The following PRKN variants were observed in gnomAD, a reference collection of about 807,000 sequenced individuals.
PRKN encodes the protein E3 ubiquitin-protein ligase parkin.
PRKN carries 56 observed loss-of-function variants against 59.5 expected under a neutral mutation model. The observed-to-expected ratio is 0.94, with a 90% CI of 0.76 to 1.18. The LOEUF (loss-of-function observed/expected upper bound fraction) is 1.18, where lower values mean the gene tolerates loss of function less well. Among genes scored for constraint, PRKN ranks in the 50% most tolerant of loss-of-function variants. The probability of loss-of-function intolerance (pLI) is 0.00; values close to 1 mark genes in which losing one functional copy is unlikely to be tolerated. For missense variants in PRKN, 657 were observed against 596.4 expected (o/e 1.10, Z -1.06); for synonymous variants, 250 against 222.1 (o/e 1.13, Z -1.12).
intron 1 of PRKN, among the ~76,000 whole-genome samples, chr6:162,536,432 T>G (rs1778722629): frequency 6.6e-6 from 1 of 152,188 alleles, no homozygotes; most frequent in African/African-American, 2.4e-5. Context: ...TGGTGTCATT[T>G]TAGCTCTGAG....
chr6:162,153,642 G>A lies in PRKN; in HGVS notation c.534+47489C>T, dbSNP rs79811787. Among the ~76,000 whole-genome samples the A allele has an allele frequency of 5.2e-3, 795 of 152,242 alleles. 5 individuals are homozygous for A. Among genetic ancestry groups the A allele is most frequent in the African/African-American group, 0.018 (760 of 41,542 alleles). On this transcript the variant is annotated intron_variant, in intron 4 of 11. Coordinates refer to ENST00000366898, the MANE Select transcript of PRKN (RefSeq NM_004562.3). ...AGACAAATGGAAGGATGATTAATGC[G>A]GACAATTTTATTGAGTGATGAAAGA...
chr6:161,349,646 T>A lies in PRKN; in HGVS notation c.*453A>T, dbSNP rs2114823715. 3.7e-6 allele frequency: 1 copy of A among 269,898 alleles called. No homozygotes were observed. Among genetic ancestry groups the A allele is most frequent in the Non-Finnish European group, 7.2e-6 (1 of 139,814 alleles). 16.7% of individuals were successfully genotyped at this position (269,898 alleles called of 1,614,324 possible). A position where few individuals can be genotyped will look rare whatever the true frequency, so the allele number is the denominator to read the frequency against. The stretch of plus-strand genomic sequence containing the variant: ...ACAGAGAAACACCTTGTCAATGGCA[T>A]CTTCATGGTGTTTACTGAAGGTAAA... On this transcript the variant is annotated 3_prime_UTR_variant, in exon 12 of 12. Coordinates refer to ENST00000366898, the MANE Select transcript of PRKN (RefSeq NM_004562.3). This position sits in a 1 kb window ranked among gnomAD's most constrained non-coding sequence, Gnocchi z 5.5.
intron 7 of PRKN, among the ~76,000 whole-genome samples, chr6:161,749,085 T>A (rs1583099629): frequency 6.6e-6 from 1 of 152,130 alleles, no homozygotes; most frequent in East Asian, 1.9e-4. Flanking sequence ...TGACTCTCTA[T>A]AGTAAGGATT....
intron 6 of PRKN, among the ~76,000 whole-genome samples, chr6:161,950,478 A>T (rs889852477): frequency 2.0e-5 from 3 of 152,102 alleles, no homozygotes; most frequent in African/African-American, 7.2e-5. Flanking sequence ...TGGGAGGCAG[A>T]TGTTTAAGTG....
At chr6:161,837,991 G>A (rs1275371168) in intron 6 of PRKN, among the ~76,000 whole-genome samples, 2 of 152,172 alleles carry the variant, frequency 1.3e-5, no homozygotes, top group Non-Finnish European at 2.9e-5. Flanking sequence ...GAAAAGGTCT[G>A]CATGTGTCTC....
chr6:161,878,451 A>T (rs541428641), intron 6 of PRKN, among the ~76,000 whole-genome samples: 67 of 152,148 alleles, frequency 4.4e-4, no homozygotes, highest in African/African-American at 1.4e-3. Flanking sequence ...GATTTTCAAC[A>T]CTAAGGATTT....
intron 9 of PRKN, among the ~76,000 whole-genome samples, chr6:161,435,947 G>C (rs1473790045): frequency 3.0e-4 from 1 of 3,358 alleles, no homozygotes; most frequent in South Asian, 4.5e-3. Context: ...GAGCAGGGGG[G>C]TGGGATGGGA....
intron 1 of PRKN, among the ~76,000 whole-genome samples, chr6:162,501,109 A>T (rs1039443507): frequency 6.6e-6 from 1 of 152,134 alleles, no homozygotes; most frequent in Non-Finnish European, 1.5e-5. Flanking sequence ...TCAAACTATG[A>T]TCACACCTCT....
At position 161,395,063 on chromosome 6, in the gene PRKN, A is replaced by T. The variant is rs1786693586; in HGVS notation, c.1084-8186T>A. ...ATATGTGCAGGTAGCACAGATTCAA[A>T]AGGTACATTGTGAAAAATGTCTCCT... On this transcript the variant is annotated intron_variant, in intron 9 of 11. Transcript: ENST00000366898. This position sits in a 1 kb window ranked among gnomAD's most constrained non-coding sequence, Gnocchi z 5.0. 6.6e-6 allele frequency among the ~76,000 whole-genome samples: 1 copy of T among 152,176 alleles called. No homozygotes were observed. Among genetic ancestry groups the T allele is most frequent in the African/African-American group, 2.4e-5 (1 of 41,420 alleles).
chr6:161,452,242 C>T (rs60555669), intron 9 of PRKN, among the ~76,000 whole-genome samples: 2,665 of 152,236 alleles, frequency 0.018, 87 homozygotes, highest in African/African-American at 0.061. Flanking sequence ...TGAGCCACTG[C>T]GCCCGGCCTT....
At chr6:162,598,676 A>C (rs1309001862) in intron 1 of PRKN, among the ~76,000 whole-genome samples, 2 of 152,038 alleles carry the variant, frequency 1.3e-5, no homozygotes, top group Non-Finnish European at 2.9e-5. Flanking sequence ...AACATGGTGA[A>C]GCCCTGTCTC....
At position 162,312,709 on chromosome 6, in the gene PRKN, T is replaced by C. The variant is rs143891310; in HGVS notation, c.172-49944A>G. On this transcript the variant is annotated intron_variant, in intron 2 of 11. Coordinates refer to ENST00000366898, the MANE Select transcript of PRKN (RefSeq NM_004562.3). ...CTTGATCCTGATCTTGTAGAGGTCA[T>C]AAAGCCTTTGTGGATCGGATAAAAG... Among the ~76,000 whole-genome samples, 57 of 152,258 alleles carry C rather than the reference T, an allele frequency of 3.7e-4. No individual in the cohort carries two copies. In the East Asian group the frequency reaches 9.3e-3, roughly 25 times the overall value.
chr6:162,205,468 T>C (rs972586996), intron 3 of PRKN, among the ~76,000 whole-genome samples: 1 of 152,106 alleles, frequency 6.6e-6, no homozygotes, highest in Non-Finnish European at 1.5e-5. Context: ...ACCTGAGAAG[T>C]TTCCATCACT....
At chr6:162,131,429 T>C (rs1781352483) in intron 4 of PRKN, among the ~76,000 whole-genome samples, 1 of 152,222 alleles carries the variant, frequency 6.6e-6, no homozygotes. Context: ...AATCAGCCAA[T>C]GATGAAAAGC....
At position 161,413,689 on chromosome 6, in the gene PRKN, G is replaced by A. The variant is rs1350581454; in HGVS notation, c.1084-26812C>T. Among the ~76,000 whole-genome samples the A allele has an allele frequency of 6.6e-6, 1 of 152,210 alleles. No individual in the cohort carries two copies. The highest frequency in any genetic ancestry group is 1.9e-4 in the East Asian group (1 of 5,188). On this transcript the variant is annotated intron_variant, in intron 9 of 11. Coordinates refer to ENST00000366898, the MANE Select transcript of PRKN (RefSeq NM_004562.3). The surrounding 1 kb of genome is among the most constrained non-coding windows in gnomAD (Gnocchi z 4.4). ...CGTCTCAGGGCGCCTTCTGTTCACA[G>A]CTTCCCACAGGAGTCCAGCTGAGAA...
chr6:161,749,298 A>C (rs1788576299), intron 7 of PRKN, among the ~76,000 whole-genome samples: 1 of 152,216 alleles, frequency 6.6e-6, no homozygotes, highest in Non-Finnish European at 1.5e-5. Context: ...CAAAGTGCTG[A>C]GTACATATAT....
chr6:162,528,087 C>T (rs990596924), intron 1 of PRKN, among the ~76,000 whole-genome samples: 6 of 87,350 alleles, frequency 6.9e-5, no homozygotes, highest in African/African-American at 1.6e-4. Context: ...GGGAGGGGTG[C>T]GGGGCGGCGG....
intron 7 of PRKN, among the ~76,000 whole-genome samples, chr6:161,701,743 T>A (rs1786260078): frequency 6.6e-6 from 1 of 152,234 alleles, no homozygotes; most frequent in South Asian, 2.1e-4. Context: ...GTTGTGTATA[T>A]ATTTCACATA....
intron 1 of PRKN, among the ~76,000 whole-genome samples, chr6:162,466,785 T>C (rs547935354): frequency 1.1e-4 from 16 of 152,266 alleles, no homozygotes; most frequent in Admixed American, 6.5e-4. Flanking sequence ...CTATGCTCTT[T>C]GTTTTCCTTT....
Sources: allele counts gnomAD v4.1 joint callset (sites outside exome capture counted in the v4.1 genomes callset), GRCh38; gene constraint gnomAD v4.1.1; non-coding constraint Gnocchi (gnomAD v3.1); transcripts MANE v1.5; gene names NCBI Gene and HGNC (gene_info 2026-07-23, HGNC 2026-07-21).